The following MIAT variants were observed in gnomAD, a reference collection of about 807,000 sequenced individuals.
The protein encoded by MIAT is myocardial infarction associated transcript, also known as MI related novel mRNA.
chr22:26,671,097 T>C (rs946218126), downstream of MIAT: 1 of 398,566 alleles, frequency 2.5e-6, no homozygotes, highest in East Asian at 3.6e-5. Flanking sequence ...TGCGTGTGTC[T>C]GTCAGAGTGT....
downstream of MIAT, chr22:26,672,391 C>G: frequency 2.5e-6 from 1 of 399,372 alleles, no homozygotes; most frequent in Non-Finnish European, 4.4e-6. Context: ...GGGGATGGCC[C>G]TATTAACAAG....
rs113541096 is a variant in MIAT, at chr22:26,654,239, T to C, written n.646+6928T>C. ...GTGAGCAGCCAAACCTAAGTTTGAT[T>C]ATAATATCTCTAGAACCAAAGATAC... On this transcript the variant is annotated intron_variant and non_coding_transcript_variant, in intron 2 of 5. Transcript: ENST00000643270. 3.7e-3 allele frequency among the ~76,000 whole-genome samples: 563 copies of C among 152,310 alleles called. 7 individuals are homozygous for C. Among genetic ancestry groups the C allele is most frequent in the African/African-American group, 0.013 (544 of 41,574 alleles).
intron 2 of MIAT, among the ~76,000 whole-genome samples, chr22:26,661,943 T>TAGATCC (rs1930687291): frequency 2.6e-5 from 1 of 39,174 alleles, no homozygotes; most frequent in African/African-American, 1.0e-4. Context: ...TATATATATA[T>TAGATCC]ATATATATAT....
At chr22:26,649,898 C>T (rs931422624) in intron 2 of MIAT, among the ~76,000 whole-genome samples, 9 of 151,344 alleles carry the variant, frequency 5.9e-5, no homozygotes, top group South Asian at 2.1e-4. Context: ...GGCAACAGAG[C>T]GAGACTCCGT....
chr22:26,672,741 G>A, downstream of MIAT: 1 of 399,050 alleles, frequency 2.5e-6, no homozygotes, highest in Non-Finnish European at 4.4e-6. Context: ...TCCCACACCG[G>A]AAGTCAGAAA....
intron 2 of MIAT, among the ~76,000 whole-genome samples, chr22:26,647,515 A>G (rs992404876): frequency 6.6e-6 from 1 of 152,086 alleles, no homozygotes; most frequent in African/African-American, 2.4e-5. Flanking sequence ...CCAGGGACCT[A>G]AAAGTCAGGG....
intron 5 of MIAT, chr22:26,667,576 G>A (rs1171714501): frequency 6.2e-6 from 2 of 320,008 alleles, no homozygotes; most frequent in East Asian, 4.9e-5. Flanking sequence ...GATGCTCCTG[G>A]AGCTTGCTAT....
chr22:26,659,835 TC>T (rs775766840), intron 2 of MIAT, among the ~76,000 whole-genome samples: 17,339 of 122,852 alleles, frequency 0.14, 1,412 homozygotes, highest in East Asian at 0.31. Flanking sequence ...TTTCTTTCTT[TC>T]TTTCTTTTTT....
chr22:26,659,267 G>C (rs747845788), intron 2 of MIAT, among the ~76,000 whole-genome samples: 3 of 152,124 alleles, frequency 2.0e-5, no homozygotes, highest in Non-Finnish European at 4.4e-5. Flanking sequence ...CACTTTGCCA[G>C]CTCCTAGCTT....
downstream of MIAT, chr22:26,671,042 T>A: frequency 2.5e-6 from 1 of 398,232 alleles, no homozygotes; most frequent in Non-Finnish European, 4.4e-6. Context: ...GGAAGAGATG[T>A]CTACTAAGCA....
chr22:26,650,188 G>T (rs1382813412), intron 2 of MIAT: 1 of 152,210 alleles, frequency 6.6e-6, no homozygotes, highest in African/African-American at 2.4e-5. Context: ...CAGGACCAAT[G>T]TCCTTATGAG....
At chr22:26,669,517 A>C (rs1930968769) in exon 6 of MIAT, 2 of 398,536 alleles carry the variant, frequency 5.0e-6, no homozygotes, top group Admixed American at 8.8e-5. Flanking sequence ...TCACCATATT[A>C]GGGCTTAAAC....
downstream of MIAT, chr22:26,673,962 C>T: frequency 2.5e-6 from 1 of 398,644 alleles, no homozygotes; most frequent in Non-Finnish European, 4.4e-6. Flanking sequence ...CTTATAGCTA[C>T]AGTAGTTTGC....
downstream of MIAT, chr22:26,671,420 AC>A: frequency 2.5e-6 from 1 of 398,736 alleles, no homozygotes; most frequent in Middle Eastern, 6.3e-4. Context: ...TGATTAACCT[AC>A]TAACCCAGGG....
At chr22:26,669,374 G>T in exon 6 of MIAT, 1 of 398,594 alleles carries the variant, frequency 2.5e-6, no homozygotes, top group South Asian at 1.3e-4. Context: ...CTTGGTTTCT[G>T]GTGAGGCCTC....
downstream of MIAT, chr22:26,673,883 T>C (rs946366857): frequency 5.0e-6 from 2 of 398,502 alleles, no homozygotes; most frequent in African/African-American, 2.1e-5. Flanking sequence ...TCTTGCAAGG[T>C]TTTGGCCATT....
exon 6 of MIAT, chr22:26,669,638 T>C (rs151236676): frequency 1.2e-3 from 491 of 398,740 alleles, no homozygotes; most frequent in Non-Finnish European, 1.8e-3. Context: ...CATTCAGTTC[T>C]TAACAGGGTG....
At chr22:26,647,748 G>A (rs774717425) in intron 2 of MIAT, among the ~76,000 whole-genome samples, 9 of 152,104 alleles carry the variant, frequency 5.9e-5, no homozygotes, top group Non-Finnish European at 1.0e-4. Context: ...GGCTGCTGCA[G>A]CAAGGAGAAC....
At chr22:26,674,156 C>G (rs550027556), downstream of MIAT, 1 of 398,610 alleles carries the variant, frequency 2.5e-6, no homozygotes, top group Non-Finnish European at 4.4e-6. Context: ...GTTATAACTC[C>G]GTCAGTCATT....
Sources: allele counts gnomAD v4.1 joint callset (sites outside exome capture counted in the v4.1 genomes callset), GRCh38; gene constraint gnomAD v4.1.1; transcripts MANE v1.5; gene names NCBI Gene and HGNC (gene_info 2026-07-23, HGNC 2026-07-21).